The following HPSE2 variants were observed in gnomAD, a reference collection of about 807,000 sequenced individuals.
HPSE2 encodes inactive heparanase-2.
In HPSE2, 38 loss-of-function variants were observed where a neutral mutation model predicts 60.5. The ratio of observed to expected loss-of-function variants is 0.63; its 90% CI spans 0.48 to 0.82. The LOEUF is 0.82. Among genes scored for constraint, HPSE2 ranks in the 40% least tolerant of loss-of-function variants. The probability of loss-of-function intolerance (pLI) is 0.00; values close to 1 mark genes in which losing one functional copy is unlikely to be tolerated. For synonymous variants in HPSE2, 295 were observed against 293.2 expected (o/e 1.01, Z -0.06); for missense variants, 713 against 740.4 (o/e 0.96, Z 0.43).
chr10:99,253,166 A>G, the HPSE2 span, among the ~76,000 whole-genome samples: 84 of 152,332 alleles, frequency 5.5e-4, 3 homozygotes, highest in East Asian at 0.016. Context: ...AAACACCTGA[A>G]AAGCCAAGGC....
intron 3 of HPSE2, among the ~76,000 whole-genome samples, chr10:99,102,676 C>CA (rs1455590659): frequency 1.3e-5 from 2 of 151,874 alleles, no homozygotes; most frequent in African/African-American, 4.8e-5. Context: ...AGAGACACAA[C>CA]AAAAAAAGAG....
intron 5 of HPSE2, among the ~76,000 whole-genome samples, chr10:98,704,426 C>CA (rs202141251): frequency 1.3e-4 from 19 of 151,304 alleles, no homozygotes; most frequent in African/African-American, 4.6e-4. Flanking sequence ...TCATATGGAA[C>CA]AAAAAAAAAA....
intron 9 of HPSE2, among the ~76,000 whole-genome samples, chr10:98,560,955 G>GT (rs1301034090): frequency 6.6e-6 from 1 of 152,130 alleles, no homozygotes; most frequent in Non-Finnish European, 1.5e-5. Flanking sequence ...TTTGTGACTG[G>GT]TTTATGTATT....
chr10:99,264,928 C>G, the HPSE2 span, among the ~76,000 whole-genome samples: 2 of 151,992 alleles, frequency 1.3e-5, no homozygotes, highest in African/African-American at 2.4e-5. Flanking sequence ...TCCATACCAC[C>G]CCCCAAAATT....
At chr10:99,064,210 T>C (rs957592695) in intron 3 of HPSE2, among the ~76,000 whole-genome samples, 3 of 152,160 alleles carry the variant, frequency 2.0e-5, no homozygotes, top group Non-Finnish European at 4.4e-5. Flanking sequence ...TTGTACTTTA[T>C]GTATTTTATT....
chr10:99,144,177 C>A, intron 3 of HPSE2, 61 bp downstream of exon 3: 1 of 1,520,010 alleles, frequency 6.6e-7, no homozygotes, highest in Non-Finnish European at 9.1e-7. Flanking sequence ...CAGATGTGTA[C>A]CCCAAAAAAC....
At chr10:98,736,314 T>C (rs1949357801) in intron 4 of HPSE2, among the ~76,000 whole-genome samples, 1 of 152,112 alleles carries the variant, frequency 6.6e-6, no homozygotes, top group African/African-American at 2.4e-5. Context: ...CTGTGAGTGC[T>C]TTAAACTCTT....
At position 98,743,976 on chromosome 10, in the gene HPSE2, T is replaced by C. The variant is rs1390510034; in HGVS notation, c.691A>G (p.Asn231Asp). The change falls in exon 4 of 12, where the codon AAT becomes GAT. Residue 231 changes from asparagine to aspartate, a missense_variant. Coordinates refer to ENST00000370552, the MANE Select transcript of HPSE2 (RefSeq NM_021828.5). ...LIFALNALRR[N>D]PNNSWNSSSA... is the part of the protein sequence containing the mutation. ...GAACTGTTCCAGGAGTTATTGGGAT[T>C]ACGACGCAGTGCATTTAGAGCAAAT... is the stretch of plus-strand genomic sequence containing the variant. 2.5e-6 allele frequency: 4 copies of C among 1,614,168 alleles called. No homozygotes were observed. In the South Asian group the frequency reaches 4.4e-5, roughly 18 times the overall value.
chr10:98,770,788 G>T (rs1223968699), intron 3 of HPSE2, among the ~76,000 whole-genome samples: 1 of 152,062 alleles, frequency 6.6e-6, no homozygotes, highest in Non-Finnish European at 1.5e-5. Flanking sequence ...TCAATCTACT[G>T]CAAGTAACAG....
chr10:98,517,160 C>T (rs1026552289), intron 9 of HPSE2, among the ~76,000 whole-genome samples: 8 of 138,296 alleles, frequency 5.8e-5, no homozygotes, highest in Non-Finnish European at 1.1e-4. Flanking sequence ...TCAACACTAT[C>T]GATAGCTTGG....
intron 11 of HPSE2, among the ~76,000 whole-genome samples, chr10:98,466,258 G>A (rs561123145): frequency 6.6e-6 from 1 of 152,322 alleles, no homozygotes; most frequent in South Asian, 2.1e-4. Flanking sequence ...GGGAGCTGGT[G>A]TGTAGTTCAG....
the HPSE2 span, among the ~76,000 whole-genome samples, chr10:99,288,538 T>C: frequency 1.3e-5 from 2 of 152,002 alleles, no homozygotes; most frequent in African/African-American, 4.8e-5. Flanking sequence ...ATGAAAAGTT[T>C]ATCTCCTTTC....
At chr10:98,503,155 T>C (rs1942081354) in intron 9 of HPSE2, among the ~76,000 whole-genome samples, 1 of 143,078 alleles carries the variant, frequency 7.0e-6, no homozygotes, top group Admixed American at 7.4e-5. Flanking sequence ...GAGGTTGCAG[T>C]GAGCCAAGAT....
intron 3 of HPSE2, among the ~76,000 whole-genome samples, chr10:99,024,698 C>T (rs953929080): frequency 2.0e-5 from 3 of 152,032 alleles, no homozygotes; most frequent in Non-Finnish European, 2.9e-5. Flanking sequence ...AAATAATATA[C>T]GACATGTCTA....
intron 9 of HPSE2, among the ~76,000 whole-genome samples, chr10:98,499,320 A>G (rs1348131924): frequency 1.3e-5 from 2 of 152,202 alleles, no homozygotes; most frequent in Non-Finnish European, 2.9e-5. Context: ...GAAACCCTAC[A>G]AGCTAGAAGG....
At chr10:99,257,503 C>T in the HPSE2 span, among the ~76,000 whole-genome samples, 2 of 152,160 alleles carry the variant, frequency 1.3e-5, no homozygotes, top group African/African-American at 2.4e-5. Flanking sequence ...CCCCAGTCTC[C>T]GGTAGCACTC....
intron 3 of HPSE2, among the ~76,000 whole-genome samples, chr10:98,867,010 A>C (rs1952604487): frequency 6.6e-6 from 1 of 152,160 alleles, no homozygotes; most frequent in Non-Finnish European, 1.5e-5. Context: ...CCAGACAATA[A>C]AGGACAGTGA....
intron 3 of HPSE2, among the ~76,000 whole-genome samples, chr10:98,942,246 C>G (rs61883734): frequency 7.1e-6 from 1 of 141,024 alleles, no homozygotes; most frequent in Non-Finnish European, 1.5e-5. Flanking sequence ...TAATTAAACT[C>G]AAGAGCTTCT....
At chr10:99,225,414 C>T (rs1163722327) in intron 2 of HPSE2, among the ~76,000 whole-genome samples, 1 of 152,046 alleles carries the variant, frequency 6.6e-6, no homozygotes, top group Admixed American at 6.6e-5. Context: ...AAACTAGATG[C>T]CTACTCAATG....
Sources: allele counts gnomAD v4.1 joint callset (sites outside exome capture counted in the v4.1 genomes callset), GRCh38; gene constraint gnomAD v4.1.1; transcripts MANE v1.5; gene names NCBI Gene and HGNC (gene_info 2026-07-23, HGNC 2026-07-21).